Variants in ASAP2 observed in about 807,000 individuals in gnomAD.
ASAP2 encodes ArfGAP with SH3 domain, ankyrin repeat and PH domain 2.
ASAP2 carries 45 observed loss-of-function variants against 131.4 expected under a neutral mutation model. The ratio of observed to expected loss-of-function variants is 0.34; its 90% CI spans 0.27 to 0.44. The LOEUF is 0.44. Among genes scored for constraint, ASAP2 ranks in the 20% least tolerant of loss-of-function variants. The pLI, the probability that ASAP2 is intolerant of heterozygous loss-of-function variation, is 1.00. For synonymous variants in ASAP2, 510 were observed against 503.0 expected, an observed-to-expected ratio of 1.01 and a Z score of -0.19; for missense variants, 1,011 against 1,297.0, an observed-to-expected ratio of 0.78 and a Z score of 3.39.
At chr2:9,401,123 G>C in intron 26 of ASAP2, 151 bp from the exon 27 acceptor site, 1 of 945,608 alleles carries the variant, frequency 1.1e-6, no homozygotes, top group Non-Finnish European at 1.6e-6. Context: ...TGGCTCCTGA[G>C]CTGCACTGAC....
intron 3 of ASAP2, among the ~76,000 whole-genome samples, chr2:9,317,388 A>T (rs1199445820): frequency 6.7e-6 from 1 of 149,718 alleles, no homozygotes; most frequent in Non-Finnish European, 1.5e-5. Flanking sequence ...TCACATCCAC[A>T]CACACACCCT....
chr2:9,381,722 G>A lies in ASAP2; in HGVS notation c.2016+914G>A, dbSNP rs77491914. On this transcript the variant is annotated intron_variant, in intron 20 of 27. Coordinates refer to ENST00000281419, the MANE Select transcript of ASAP2 (RefSeq NM_003887.3). Reference sequence around the variant, plus strand: ...ACTGCACTCCAGCCTGGGCAACAGAGCAACACGCCATCTCCACAAAAACGT... The same window carrying A: ...ACTGCACTCCAGCCTGGGCAACAGAACAACACGCCATCTCCACAAAAACGT... Among the ~76,000 whole-genome samples the A allele has an allele frequency of 4.0e-4, 61 of 152,202 alleles. No homozygotes were observed. In the East Asian group the frequency reaches 0.012, roughly 29 times the overall value.
At chr2:9,305,424 G>T (rs113740402) in intron 3 of ASAP2, among the ~76,000 whole-genome samples, 39 of 59,770 alleles carry the variant, frequency 6.5e-4, no homozygotes, top group East Asian at 2.9e-3. Context: ...GATATTGGTG[G>T]AGAGGCTGTA....
intron 21 of ASAP2, among the ~76,000 whole-genome samples, chr2:9,386,421 T>C (rs1675265960): frequency 1.3e-5 from 2 of 151,750 alleles, no homozygotes; most frequent in Admixed American, 6.6e-5. Flanking sequence ...TGCCCCAGCC[T>C]GCCTCTTCAT....
intron 11 of ASAP2, 54 bp downstream of exon 11, chr2:9,344,854 T>G: frequency 1.3e-6 from 2 of 1,512,350 alleles, no homozygotes; most frequent in South Asian, 2.3e-5. Flanking sequence ...AGGTTGGTGT[T>G]GGAGGACTTT....
intron 20 of ASAP2, among the ~76,000 whole-genome samples, chr2:9,381,891 A>T (rs1000225891): frequency 1.3e-4 from 20 of 152,180 alleles, no homozygotes; most frequent in African/African-American, 4.8e-4. Context: ...GGGAGAAAAA[A>T]AAGAACTATT....
At chr2:9,253,721 A>C (rs1664891120) in intron 1 of ASAP2, among the ~76,000 whole-genome samples, 1 of 152,104 alleles carries the variant, frequency 6.6e-6, no homozygotes, top group Non-Finnish European at 1.5e-5. Flanking sequence ...TGGAGATTAC[A>C]ATGTTACATG....
chr2:9,310,314 A>G (rs1669217983), intron 3 of ASAP2, among the ~76,000 whole-genome samples: 1 of 152,236 alleles, frequency 6.6e-6, no homozygotes, highest in Non-Finnish European at 1.5e-5. Context: ...GCCTCAGGTA[A>G]GATCCTTTGG....
intron 20 of ASAP2, among the ~76,000 whole-genome samples, chr2:9,384,849 T>C (rs1675139845): frequency 6.6e-6 from 1 of 152,156 alleles, no homozygotes; most frequent in South Asian, 2.1e-4. Context: ...GGTGAGACCC[T>C]CTCTGGGGAG....
intron 12 of ASAP2, among the ~76,000 whole-genome samples, chr2:9,354,057 C>T (rs1672525666): frequency 6.6e-6 from 1 of 152,224 alleles, no homozygotes; most frequent in Non-Finnish European, 1.5e-5. Flanking sequence ...TCTGGGAGCT[C>T]ATCTAATCCA....
chr2:9,271,066 T>A (rs1439842118), intron 1 of ASAP2, among the ~76,000 whole-genome samples: 2 of 151,922 alleles, frequency 1.3e-5, no homozygotes, highest in East Asian at 1.9e-4. Flanking sequence ...GTGCTGGGAT[T>A]ACAGGCGTGA....
At chr2:9,318,624 G>A (rs777587419) in intron 4 of ASAP2, 26 bp downstream of exon 4, 13 of 1,563,460 alleles carry the variant, frequency 8.3e-6, no homozygotes, top group Non-Finnish European at 7.9e-6. Context: ...TGTGACACCA[G>A]GGGCAGCTTT....
chr2:9,319,461 G>A (rs1332798766), intron 4 of ASAP2, among the ~76,000 whole-genome samples: 2 of 152,216 alleles, frequency 1.3e-5, no homozygotes, highest in Admixed American at 1.3e-4. Context: ...TTGGAGAACA[G>A]GTCAGCGGAG....
chr2:9,382,683 A>C (rs117714731), intron 20 of ASAP2, among the ~76,000 whole-genome samples: 1 of 152,132 alleles, frequency 6.6e-6, no homozygotes, highest in African/African-American at 2.4e-5. Context: ...TTAGATCTCA[A>C]ATATCCTTTG....
chr2:9,343,176 C>T (rs1671706556), intron 9 of ASAP2, among the ~76,000 whole-genome samples: 1 of 152,176 alleles, frequency 6.6e-6, no homozygotes, highest in Admixed American at 6.5e-5. Flanking sequence ...TTCCATTCCA[C>T]TCTCTGCTCT....
chr2:9,208,839 C>T (rs1661333486), intron 1 of ASAP2, among the ~76,000 whole-genome samples: 1 of 152,166 alleles, frequency 6.6e-6, no homozygotes, highest in Non-Finnish European at 1.5e-5. Context: ...CTGAATATTT[C>T]TTAAGGGAAG....
intron 3 of ASAP2, among the ~76,000 whole-genome samples, chr2:9,317,129 CA>C (rs1349755325): frequency 9.4e-4 from 6 of 6,354 alleles, no homozygotes; most frequent in Non-Finnish European, 6.1e-3. Flanking sequence ...CACAACCACA[CA>C]ACACACATCC....
At chr2:9,403,232 C>T in intron 27 of ASAP2, 21 bp from the exon 28 acceptor site, 1 of 1,610,644 alleles carries the variant, frequency 6.2e-7, no homozygotes, top group Middle Eastern at 1.7e-4. Context: ...TAATAACAAC[C>T]TACACTTTTC....
rs1340413091 is a variant in ASAP2 at position 9,217,560 on chromosome 2, C to G, written c.126+10330C>G. Among the ~76,000 whole-genome samples the G allele has an allele frequency of 6.6e-6, 1 of 152,130 alleles. No individual in the cohort carries two copies. Among genetic ancestry groups the G allele is most frequent in the Non-Finnish European group, 1.5e-5 (1 of 68,018 alleles). On this transcript the variant is annotated intron_variant, in intron 1 of 27. Coordinates refer to ENST00000281419, the MANE Select transcript of ASAP2 (RefSeq NM_003887.3). The surrounding 1 kb of genome is among the most constrained non-coding windows in gnomAD (Gnocchi z 4.0). ...GCCAGGCAGTCAGGATTGTCGGGAC[C>G]TCTTTCCCCAGCTTCTCAGAAGAAA...
Sources: allele counts gnomAD v4.1 joint callset (sites outside exome capture counted in the v4.1 genomes callset), GRCh38; gene constraint gnomAD v4.1.1; non-coding constraint Gnocchi (gnomAD v3.1); transcripts MANE v1.5; gene names NCBI Gene and HGNC (gene_info 2026-07-23, HGNC 2026-07-21).